SEL1L: variants seen among roughly 807,000 people sequenced by gnomAD.
SEL1L encodes the protein SEL1L adaptor subunit of SYVN1 ubiquitin ligase, also known as protein sel-1 homolog 1.
A neutral mutation model predicts 109.8 loss-of-function variants in SEL1L; 52 were observed. That is an observed-to-expected ratio of 0.47 (90% confidence interval 0.38 to 0.60). The LOEUF (loss-of-function observed/expected upper bound fraction) is 0.60. SEL1L is among the 20% of genes least tolerant of loss of function. The pLI, the probability that SEL1L is intolerant of heterozygous loss-of-function variation, is 0.00. For synonymous variants in SEL1L, 373 were observed against 339.6 expected, an observed-to-expected ratio of 1.10 and a Z score of -1.08; for missense variants, 749 against 962.2, an observed-to-expected ratio of 0.78 and a Z score of 2.93.
chr14:81,481,084 C>T (rs1903342115), intron 19 of SEL1L, among the ~76,000 whole-genome samples: 1 of 152,120 alleles, frequency 6.6e-6, no homozygotes, highest in African/African-American at 2.4e-5. Flanking sequence ...TAATTATAAA[C>T]CCTTATTAGG....
At chr14:81,513,840 G>A (rs936627600) in intron 3 of SEL1L, among the ~76,000 whole-genome samples, 1 of 152,188 alleles carries the variant, frequency 6.6e-6, no homozygotes, top group Non-Finnish European at 1.5e-5. Context: ...AGCCAAGGGT[G>A]GACAGAGAGG....
intron 12 of SEL1L, 81 bp from the exon 13 acceptor site, chr14:81,490,546 T>A: frequency 9.3e-7 from 1 of 1,069,576 alleles, no homozygotes; most frequent in Non-Finnish European, 1.4e-6. Context: ...CTCCTTTGAG[T>A]TTTGTCAGAT....
In SEL1L at chr14:81,477,046, C is replaced by T. The variant is rs1903182870; in HGVS notation, c.2311G>A (p.Ala771Thr). 6.2e-7 allele frequency: 1 copy of T among 1,614,058 alleles called. No individual in the cohort carries two copies. The highest frequency in any genetic ancestry group is 8.5e-7 in the Non-Finnish European group (1 of 1,180,046). ...GGCCGTGGCCCTGGAGGCCTGGGTG[C>T]AGGCATGTCTTGGTGCTGCCTTTGC... The part of the protein sequence containing the change: ...YRQRQHQDMP[A>T]PRPPGPRPAP... The change falls in exon 21 of 21, where the codon GCA (alanine) becomes ACA (threonine). Residue 771 changes from alanine (A) to threonine (T), a missense_variant. By Grantham distance (58) the Ala-to-Thr change is moderately conservative. Coordinates refer to ENST00000336735, the MANE Select transcript of SEL1L (RefSeq NM_005065.6).
chr14:81,509,056 T>C (rs764811502), intron 3 of SEL1L, among the ~76,000 whole-genome samples: 7 of 152,178 alleles, frequency 4.6e-5, no homozygotes, highest in East Asian at 3.9e-4. Flanking sequence ...AAATAATTCA[T>C]TAGTGAAGAA....
At chr14:81,511,223 A>G (rs1884464205) in intron 3 of SEL1L, among the ~76,000 whole-genome samples, 1 of 152,256 alleles carries the variant, frequency 6.6e-6, no homozygotes, top group Admixed American at 6.5e-5. Flanking sequence ...AGATGTATTC[A>G]TATGCAGAAT....
At chr14:81,489,419 T>C in intron 13 of SEL1L, 105 bp from the exon 14 acceptor site, 1 of 913,902 alleles carries the variant, frequency 1.1e-6, no homozygotes, top group Non-Finnish European at 1.7e-6. Flanking sequence ...TTCAAAAACA[T>C]GTCTTAGTAC....
intron 1 of SEL1L, among the ~76,000 whole-genome samples, chr14:81,531,277 CTA>C (rs1184702531): frequency 6.6e-6 from 1 of 152,174 alleles, no homozygotes; most frequent in Non-Finnish European, 1.5e-5. Flanking sequence ...TAGCATGTGA[CTA>C]TATCATATTT....
At chr14:81,529,130 G>C (rs1261457727) in intron 1 of SEL1L, among the ~76,000 whole-genome samples, 1 of 152,050 alleles carries the variant, frequency 6.6e-6, no homozygotes, top group African/African-American at 2.4e-5. Flanking sequence ...CCACATATTA[G>C]TCCCACAGCG....
intron 13 of SEL1L, among the ~76,000 whole-genome samples, 192 bp from the exon 14 acceptor site, chr14:81,489,506 G>A (rs1883462122): frequency 6.6e-6 from 1 of 152,158 alleles, no homozygotes; most frequent in South Asian, 2.1e-4. Flanking sequence ...TGGGGGCTTT[G>A]GGTAATTTGC....
rs1903099220 is a variant in SEL1L at position 81,474,431 on chromosome 14, A to G, written c.*2541T>C. On this transcript the variant is annotated 3_prime_UTR_variant, in exon 21 of 21. Transcript: ENST00000336735. The stretch of plus-strand genomic sequence containing the variant: ...AAGGTCTTAGGAGAGATGGGCTACC[A>G]TGGACAAATGAAGCCACACTCTATC... 6.6e-6 allele frequency: 1 copy of G among 152,196 alleles called. No individual in the cohort carries two copies. The highest frequency in any genetic ancestry group is 2.4e-5 in the African/African-American group (1 of 41,450). The allele number at this position is 152,196 out of a possible 1,614,324, so 9.4% of individuals were successfully genotyped here.
Position 81,484,222 on chromosome 14 carries a change from C to A in SEL1L, c.2046+3G>T. 6.2e-7 allele frequency: 1 copy of A among 1,602,046 alleles called. No individual in the cohort carries two copies. Among genetic ancestry groups the A allele is most frequent in the South Asian group, 1.1e-5 (1 of 90,212 alleles). On this transcript the variant is annotated splice_donor_region_variant and intron_variant, in intron 19 of 20. Transcript: ENST00000336735. The stretch of plus-strand genomic sequence containing the variant: ...TTCAAACGTGTTTGGAAGCCACACT[C>A]ACCTGTTTAATGCCCAGTCCTTTCT...
intron 1 of SEL1L, among the ~76,000 whole-genome samples, chr14:81,533,024 A>G (rs1885395075): frequency 6.6e-6 from 1 of 152,244 alleles, no homozygotes; most frequent in Non-Finnish European, 1.5e-5. Context: ...CTGTATCTAT[A>G]TAAAACGCAT....
intron 19 of SEL1L, among the ~76,000 whole-genome samples, chr14:81,483,418 A>T (rs907647489): frequency 6.6e-6 from 1 of 152,190 alleles, no homozygotes; most frequent in Non-Finnish European, 1.5e-5. Flanking sequence ...ATTCAAAATG[A>T]ATTTATACAC....
At position 81,533,840 on chromosome 14, in the gene SEL1L, T is replaced by C; in HGVS notation, c.-96A>G. ...ACCGCCGCCTCGCCGCTGCTCTTCC[T>C]GCTCTAGTCTCCTTCCTCCGCCCCT... On this transcript the variant is annotated 5_prime_UTR_variant, in exon 1 of 21. Coordinates refer to ENST00000336735, the MANE Select transcript of SEL1L (RefSeq NM_005065.6). 1.6e-6 allele frequency: 2 copies of C among 1,251,856 alleles called. No homozygotes were observed. The highest frequency in any genetic ancestry group is 2.3e-6 in the Non-Finnish European group (2 of 877,394). 77.5% of individuals were successfully genotyped at this position (1,251,856 alleles called of 1,614,324 possible). A position where few individuals can be genotyped will look rare whatever the true frequency, so the allele number is the denominator to read the frequency against.
At chr14:81,488,964 C>T (rs1883437569) in intron 14 of SEL1L, 2 of 405,242 alleles carry the variant, frequency 4.9e-6, no homozygotes, top group Admixed American at 9.5e-5. Context: ...ATGTTTAAGT[C>T]CTGAGAGATG....
At chr14:81,518,689 G>T (rs1036863135) in intron 3 of SEL1L, among the ~76,000 whole-genome samples, 38 of 141,038 alleles carry the variant, frequency 2.7e-4, no homozygotes, top group Admixed American at 9.6e-4. Context: ...AAGGTAAAAA[G>T]ATTAGAAAGG....
At chr14:81,501,210 G>C (rs75779447) in intron 6 of SEL1L, among the ~76,000 whole-genome samples, 10,490 of 152,260 alleles carry the variant, frequency 0.069, 1,190 homozygotes, top group African/African-American at 0.24. Flanking sequence ...GCCAACAGGA[G>C]AGCTACATCA....
intron 11 of SEL1L, 135 bp downstream of exon 11, chr14:81,494,946 C>T: frequency 1.3e-6 from 1 of 791,082 alleles, no homozygotes; most frequent in Non-Finnish European, 2.0e-6. Flanking sequence ...GGGTTGGTTA[C>T]ATCTTGAAAG....
At chr14:81,495,029 C>T (rs1046099775) in intron 11 of SEL1L, 52 bp downstream of exon 11, 35 of 1,525,908 alleles carry the variant, frequency 2.3e-5, no homozygotes, top group Middle Eastern at 1.7e-4. Context: ...ACATTGGGAA[C>T]ATCATTTCCT....
Sources: gnomAD v4.1 joint callset for allele counts (sites outside exome capture counted in the v4.1 genomes callset) on GRCh38, gnomAD v4.1.1 for gene constraint, MANE v1.5 for transcripts, NCBI Gene and HGNC (gene_info 2026-07-23, HGNC 2026-07-21) for gene names.